The following INTS9 variants were observed in gnomAD, a reference collection of about 807,000 sequenced individuals.
The protein encoded by INTS9 is integrator complex subunit 9, also known as protein related to CPSF subunits of 74 kDa.
In INTS9, 55 loss-of-function variants were observed where a neutral mutation model predicts 79.7. The ratio of observed to expected loss-of-function variants is 0.69; its 90% CI spans 0.56 to 0.86. The LOEUF (loss-of-function observed/expected upper bound fraction) is 0.86. INTS9 is among the 40% of genes least tolerant of loss of function. The pLI is 0.00. For synonymous variants in INTS9, 319 were observed against 325.2 expected (o/e 0.98, Z 0.20); for missense variants, 721 against 831.5 (o/e 0.87, Z 1.64).
chr8:28,859,161 A>G (rs969202268), intron 2 of INTS9, among the ~76,000 whole-genome samples: 2 of 152,214 alleles, frequency 1.3e-5, no homozygotes, highest in African/African-American at 4.8e-5. Flanking sequence ...GTGAATTAGC[A>G]AGAAAGATGA....
In INTS9 at chr8:28,777,846, G is replaced by A. The variant is rs1160130987; in HGVS notation, c.1378C>T (p.Leu460=). Residue 460 remains leucine, a synonymous_variant, in exon 13 of 17, where the codon CTG becomes TTG. Coordinates refer to ENST00000521022, the MANE Select transcript of INTS9 (RefSeq NM_018250.4). ...TTCATTACCTGCACTTCTTTAAGCA[G>A]CTTTGACACCTGGATGAAGTTCAGC... ...TRLNFIQVSK[L]LKEVQPLHVV... The A allele has an allele frequency of 1.2e-6, 2 of 1,609,852 alleles. No individual in the cohort carries two copies. Among genetic ancestry groups the A allele is most frequent in the Non-Finnish European group, 1.7e-6 (2 of 1,178,288 alleles).
At position 28,798,986 on chromosome 8, in the gene INTS9, T is replaced by C. The variant is rs148738796; in HGVS notation, c.745-2331A>G. Among the ~76,000 whole-genome samples the C allele has an allele frequency of 7.2e-5, 11 of 152,250 alleles. No individual in the cohort carries two copies. The East Asian group carries it at 2.1e-3, about 29-fold the overall frequency. On this transcript the variant is annotated intron_variant, in intron 8 of 16. Transcript: ENST00000521022. ...TCCCTCTCAAATAAAACAAAAGACCTACTGATCCAGATAAAAATATATAAC... is the reference window on the plus strand; with the variant it reads ...TCCCTCTCAAATAAAACAAAAGACCCACTGATCCAGATAAAAATATATAAC...
At chr8:28,886,692 A>T (rs1184789307) in intron 1 of INTS9, among the ~76,000 whole-genome samples, 2 of 152,160 alleles carry the variant, frequency 1.3e-5, no homozygotes, top group Admixed American at 6.5e-5. Context: ...ACCCTCACTA[A>T]ATAACAGGGA....
chr8:28,830,539 G>A (rs574000801), intron 6 of INTS9, among the ~76,000 whole-genome samples: 3 of 151,270 alleles, frequency 2.0e-5, no homozygotes, highest in Non-Finnish European at 4.4e-5. Flanking sequence ...CGGGAGAATC[G>A]CTTGAACCCC....
chr8:28,813,780 G>T, intron 6 of INTS9, 168 bp from the exon 7 acceptor site: 1 of 712,930 alleles, frequency 1.4e-6, no homozygotes, highest in Non-Finnish European at 2.2e-6. Flanking sequence ...TACTTTTTTT[G>T]AGACAGAGTC....
At chr8:28,853,765 A>T (rs1035777133) in intron 2 of INTS9, among the ~76,000 whole-genome samples, 23 of 151,578 alleles carry the variant, frequency 1.5e-4, no homozygotes, top group African/African-American at 5.4e-4. Context: ...CATTATACGT[A>T]ATTTCTTTTT....
chr8:28,829,530 G>T (rs1051988511), intron 6 of INTS9, among the ~76,000 whole-genome samples: 28 of 152,176 alleles, frequency 1.8e-4, no homozygotes, highest in Non-Finnish European at 2.8e-4. Context: ...AATGATTTAT[G>T]AGAATTTGTC....
intron 8 of INTS9, among the ~76,000 whole-genome samples, chr8:28,807,137 G>C (rs1737957942): frequency 6.6e-6 from 1 of 152,066 alleles, no homozygotes; most frequent in Non-Finnish European, 1.5e-5. Context: ...ACACAAAAAA[G>C]GTTAAACAAA....
At chr8:28,864,849 G>A (rs1174735473) in intron 1 of INTS9, among the ~76,000 whole-genome samples, 1 of 152,016 alleles carries the variant, frequency 6.6e-6, no homozygotes, top group African/African-American at 2.4e-5. Context: ...AGCCCAGCAT[G>A]GTGGTGCACA....
At chr8:28,846,663 G>T in intron 4 of INTS9, 84 bp downstream of exon 4, 1 of 1,007,156 alleles carries the variant, frequency 9.9e-7, no homozygotes, top group South Asian at 1.3e-5. Flanking sequence ...AGGAAGCTAA[G>T]CCTCTTAAAA....
chr8:28,888,823 G>A (rs1810346613), intron 1 of INTS9, among the ~76,000 whole-genome samples: 1 of 152,180 alleles, frequency 6.6e-6, no homozygotes, highest in Admixed American at 6.5e-5. Context: ...TATGCCTGTA[G>A]CACAATGATT....
At chr8:28,853,882 C>A (rs555780534) in intron 2 of INTS9, among the ~76,000 whole-genome samples, 1 of 151,814 alleles carries the variant, frequency 6.6e-6, no homozygotes, top group East Asian at 1.9e-4. Flanking sequence ...CCACGCTCGG[C>A]TAATTTTTTG....
At chr8:28,848,446 C>G (rs2131246815) in intron 3 of INTS9, among the ~76,000 whole-genome samples, 1 of 152,306 alleles carries the variant, frequency 6.6e-6, no homozygotes, top group Non-Finnish European at 1.5e-5. Flanking sequence ...ATTTCCTCCC[C>G]TTGCCTTCCA....
chr8:28,802,002 T>A (rs597866), intron 8 of INTS9, among the ~76,000 whole-genome samples: 2 of 152,034 alleles, frequency 1.3e-5, no homozygotes, highest in African/African-American at 2.4e-5. Context: ...AGTACAGGTG[T>A]GGGAATTGTG....
chr8:28,854,592 C>T (rs557033824), intron 2 of INTS9, among the ~76,000 whole-genome samples: 8 of 152,226 alleles, frequency 5.3e-5, no homozygotes, highest in African/African-American at 1.2e-4. Context: ...TCTTTATTCG[C>T]GTGTCACTTT....
intron 1 of INTS9, among the ~76,000 whole-genome samples, chr8:28,883,207 T>C (rs1444373404): frequency 6.6e-6 from 1 of 152,234 alleles, no homozygotes; most frequent in African/African-American, 2.4e-5. Context: ...AGTACCATCA[T>C]CTTAATTCCT....
At chr8:28,881,030 G>A (rs1158313806) in intron 1 of INTS9, among the ~76,000 whole-genome samples, 381 of 147,576 alleles carry the variant, frequency 2.6e-3, no homozygotes, top group African/African-American at 9.5e-3. Context: ...CAACCGCCCC[G>A]TCTGAGAAGT....
intron 1 of INTS9, among the ~76,000 whole-genome samples, chr8:28,869,927 A>G (rs1808975922): frequency 1.3e-5 from 2 of 151,972 alleles, no homozygotes; most frequent in African/African-American, 4.8e-5. Flanking sequence ...TTGGCTTTCC[A>G]TGAAAATGAG....
chr8:28,769,628 A>G (rs1802410998), intron 16 of INTS9: 2 of 444,736 alleles, frequency 4.5e-6, no homozygotes, highest in East Asian at 4.3e-5. Context: ...CACTCGTCAC[A>G]TGTGTGTGTG....
Sources: gnomAD v4.1 joint callset for allele counts (sites outside exome capture counted in the v4.1 genomes callset) on GRCh38, gnomAD v4.1.1 for gene constraint, MANE v1.5 for transcripts, NCBI Gene and HGNC (gene_info 2026-07-23, HGNC 2026-07-21) for gene names.